The following IFT43 variants were observed in gnomAD, a reference collection of about 807,000 sequenced individuals.
IFT43 encodes the protein intraflagellar transport 43, also known as intraflagellar transport protein 43 homolog.
In IFT43, 33 loss-of-function variants were observed where a neutral mutation model predicts 32.3. The observed-to-expected ratio is 1.02, with a 90% confidence interval of 0.77 to 1.37. The LOEUF is 1.37. IFT43 is among the 40% of genes most tolerant of loss of function. The pLI is 0.00. For missense variants in IFT43, 274 were observed against 265.9 expected (o/e 1.03, Z -0.21); for synonymous variants, 93 against 98.2 (o/e 0.95, Z 0.31).
intron 3 of IFT43, among the ~76,000 whole-genome samples, chr14:76,034,573 G>A (rs565817600): frequency 1.3e-5 from 2 of 152,376 alleles, no homozygotes; most frequent in Admixed American, 1.3e-4. Flanking sequence ...GGAGGAAAGT[G>A]TCACCAGTGA....
At chr14:75,987,538 T>G (rs1025476668) in intron 1 of IFT43, among the ~76,000 whole-genome samples, 2 of 152,196 alleles carry the variant, frequency 1.3e-5, no homozygotes, top group Non-Finnish European at 2.9e-5. Context: ...AGCCACTTCA[T>G]CACCTTCCTA....
In IFT43 at chr14:76,000,366, G is replaced by A. The variant is rs531410017; in HGVS notation, c.147+11389G>A. On this transcript the variant is annotated intron_variant, in intron 2 of 8. Coordinates refer to ENST00000314067, the MANE Select transcript of IFT43 (RefSeq NM_001102564.3). ...CACAAGCTCCGCCTTCTGGATTCACGCCATTCTCCTGCCTCAGCCTCCCGA... is the reference window on the plus strand; with the variant it reads ...CACAAGCTCCGCCTTCTGGATTCACACCATTCTCCTGCCTCAGCCTCCCGA... Among the ~76,000 whole-genome samples, 9 of 147,182 alleles carry A rather than the reference G, an allele frequency of 6.1e-5. No individual in the cohort carries two copies. In the East Asian group the frequency reaches 1.4e-3, roughly 23 times the overall value.
At chr14:75,994,716 G>A (rs1053353713) in intron 2 of IFT43, among the ~76,000 whole-genome samples, 1 of 152,214 alleles carries the variant, frequency 6.6e-6, no homozygotes, top group Non-Finnish European at 1.5e-5. Context: ...GATTTTGCTG[G>A]AAGATAGTTC....
At chr14:76,062,317 G>T (rs963817385) in intron 5 of IFT43, among the ~76,000 whole-genome samples, 1 of 151,960 alleles carries the variant, frequency 6.6e-6, no homozygotes, top group Non-Finnish European at 1.5e-5. Context: ...TGATCCGCCT[G>T]CCTCAGCCTC....
At chr14:76,079,056 C>T (rs556122478) in intron 5 of IFT43, among the ~76,000 whole-genome samples, 1 of 152,194 alleles carries the variant, frequency 6.6e-6, no homozygotes, top group Non-Finnish European at 1.5e-5. Flanking sequence ...CAGGACATTA[C>T]GTGAAAGCTG....
chr14:76,020,921 G>A (rs1253164112), intron 2 of IFT43, among the ~76,000 whole-genome samples: 1 of 152,150 alleles, frequency 6.6e-6, no homozygotes, highest in Admixed American at 6.5e-5. Flanking sequence ...GTGGGTGGGT[G>A]GTGGCTGCAA....
At chr14:76,059,130 A>T (rs778718202) in intron 4 of IFT43, 197 bp from the exon 5 acceptor site, 17 of 1,491,174 alleles carry the variant, frequency 1.1e-5, no homozygotes, top group Non-Finnish European at 1.5e-5. Flanking sequence ...GTCCTCTGGA[A>T]TAGTGCATCG....
chr14:75,998,904 T>C (rs956940473), intron 2 of IFT43, among the ~76,000 whole-genome samples: 1 of 152,134 alleles, frequency 6.6e-6, no homozygotes, highest in African/African-American at 2.4e-5. Flanking sequence ...AGCTAATTTA[T>C]TTTTATTTTT....
intron 3 of IFT43, among the ~76,000 whole-genome samples, chr14:76,029,899 T>TTATTTTATTTTATTTTA (rs2036476457): frequency 6.7e-6 from 1 of 148,392 alleles, no homozygotes; most frequent in Non-Finnish European, 1.5e-5. Flanking sequence ...TTATTTTATT[T>TTATTTTATTTTATTTTA]GAGACAGGAT....
chr14:76,049,333 T>C (rs1332361140), intron 3 of IFT43, among the ~76,000 whole-genome samples: 1 of 152,244 alleles, frequency 6.6e-6, no homozygotes, highest in Non-Finnish European at 1.5e-5. Flanking sequence ...CAGCCAGTGT[T>C]TCTTTAACAC....
chr14:76,023,382 C>A (rs1429952520), intron 3 of IFT43, among the ~76,000 whole-genome samples: 1 of 152,174 alleles, frequency 6.6e-6, no homozygotes, highest in Non-Finnish European at 1.5e-5. Flanking sequence ...GAGCCAGCTG[C>A]CTGGCTTTGA....
chr14:76,055,444 A>G (rs527992259), intron 3 of IFT43, among the ~76,000 whole-genome samples: 1 of 152,312 alleles, frequency 6.6e-6, no homozygotes, highest in Non-Finnish European at 1.5e-5. Flanking sequence ...CATAATACCT[A>G]TTCTTACTAT....
chr14:76,064,567 G>A (rs11621362), intron 5 of IFT43, among the ~76,000 whole-genome samples: 51,342 of 152,046 alleles, frequency 0.34, 8,727 homozygotes, highest in African/African-American at 0.36. Flanking sequence ...AGTGGTAATG[G>A]AGGCTGGTTA....
chr14:76,074,029 G>A (rs1052171700), intron 5 of IFT43, among the ~76,000 whole-genome samples: 5 of 152,152 alleles, frequency 3.3e-5, no homozygotes, highest in Non-Finnish European at 5.9e-5. Context: ...GGGGTGTCAC[G>A]GGTGGCACTG....
intron 2 of IFT43, among the ~76,000 whole-genome samples, chr14:76,017,412 G>A (rs1402541281): frequency 1.3e-5 from 2 of 152,084 alleles, no homozygotes; most frequent in Non-Finnish European, 2.9e-5. Context: ...GTTGATCATG[G>A]TGTATTATCT....
chr14:75,988,384 T>C (rs2035570955), intron 1 of IFT43, among the ~76,000 whole-genome samples: 1 of 152,166 alleles, frequency 6.6e-6, no homozygotes, highest in African/African-American at 2.4e-5. Context: ...TCCTATCAAA[T>C]AGAACTGACC....
At chr14:76,048,613 A>G (rs1437981934) in intron 3 of IFT43, among the ~76,000 whole-genome samples, 1 of 152,218 alleles carries the variant, frequency 6.6e-6, no homozygotes, top group Non-Finnish European at 1.5e-5. Flanking sequence ...ATAAATATGC[A>G]TAGGAAATGG....
chr14:76,003,358 C>T (rs1344042016), intron 2 of IFT43, among the ~76,000 whole-genome samples: 1 of 151,996 alleles, frequency 6.6e-6, no homozygotes, highest in East Asian at 1.9e-4. Flanking sequence ...TTTGGTGGCT[C>T]ACTCCTGTAA....
chr14:76,048,456 G>A (rs1312696006), intron 3 of IFT43, among the ~76,000 whole-genome samples: 1 of 152,206 alleles, frequency 6.6e-6, no homozygotes, highest in Non-Finnish European at 1.5e-5. Flanking sequence ...TGATCTCCTT[G>A]TTCTCCCTTT....
Sources: allele counts gnomAD v4.1 joint callset (sites outside exome capture counted in the v4.1 genomes callset), GRCh38; gene constraint gnomAD v4.1.1; transcripts MANE v1.5; gene names NCBI Gene and HGNC (gene_info 2026-07-23, HGNC 2026-07-21).